CNBD1: variants seen among roughly 807,000 people sequenced by gnomAD.
CNBD1 encodes cyclic nucleotide-binding domain-containing protein 1.
In CNBD1, 71 loss-of-function variants were observed where a neutral mutation model predicts 54.4. That is an observed-to-expected ratio of 1.30 (90% CI 1.08 to 1.59). The LOEUF (loss-of-function observed/expected upper bound fraction) is 1.59. Ranked by LOEUF, CNBD1 falls within the 40% of genes most tolerant of loss-of-function variation. CNBD1 has a pLI of 0.00. For missense variants in CNBD1, 659 were observed against 518.0 expected, an observed-to-expected ratio of 1.27 and a Z score of -2.64; for synonymous variants, 182 against 170.7, an observed-to-expected ratio of 1.07 and a Z score of -0.51.
chr8:87,368,733 T>C (rs568642252), intron 10 of CNBD1, among the ~76,000 whole-genome samples: 1 of 152,040 alleles, frequency 6.6e-6, no homozygotes, highest in Non-Finnish European at 1.5e-5. Context: ...TGGTATTTTG[T>C]AGGCATCAAG....
intron 4 of CNBD1, among the ~76,000 whole-genome samples, chr8:86,997,534 A>G (rs1808900996): frequency 6.6e-6 from 1 of 152,206 alleles, no homozygotes. Flanking sequence ...TCTGAGAAAT[A>G]GTGTTCAGAG....
At chr8:87,216,070 AT>A (rs763929205) in intron 5 of CNBD1, among the ~76,000 whole-genome samples, 3 of 152,154 alleles carry the variant, frequency 2.0e-5, no homozygotes, top group Non-Finnish European at 4.4e-5. Context: ...ATTGTACCTC[AT>A]GAGCTGTTAA....
intron 5 of CNBD1, among the ~76,000 whole-genome samples, chr8:87,221,515 A>G (rs1814338992): frequency 6.6e-6 from 1 of 152,100 alleles, no homozygotes; most frequent in South Asian, 2.1e-4. Flanking sequence ...TCAAAATTGT[A>G]TCTACATTTC....
intron 2 of CNBD1, among the ~76,000 whole-genome samples, chr8:87,392,691 G>A (rs1458474503): frequency 6.6e-6 from 1 of 151,940 alleles, no homozygotes; most frequent in Non-Finnish European, 1.5e-5. Context: ...AATCATATGT[G>A]TTTCTTTTGG....
intron 9 of CNBD1, among the ~76,000 whole-genome samples, chr8:87,352,200 G>C (rs574995405): frequency 1.3e-5 from 2 of 152,106 alleles, no homozygotes; most frequent in African/African-American, 4.8e-5. Context: ...GAATCCTAGG[G>C]CTGGGCACAG....
intron 5 of CNBD1, among the ~76,000 whole-genome samples, chr8:87,226,665 G>A (rs1444249305): frequency 6.6e-6 from 1 of 151,880 alleles, no homozygotes. Flanking sequence ...TTCCAACTAT[G>A]TGGTCAATTT....
intron 8 of CNBD1, among the ~76,000 whole-genome samples, chr8:87,314,478 AG>A: frequency 6.6e-6 from 1 of 152,078 alleles, no homozygotes; most frequent in East Asian, 1.9e-4. Flanking sequence ...GATATGATAA[AG>A]TGATCTAAAA....
chr8:87,405,410 GCTC>G (rs1217050107), intron 2 of CNBD1, among the ~76,000 whole-genome samples: 1 of 151,986 alleles, frequency 6.6e-6, no homozygotes, highest in Non-Finnish European at 1.5e-5. Context: ...AGGAAATAAT[GCTC>G]CTTAGAGAAT....
chr8:86,946,200 GAAT>G (rs1248905620), intron 4 of CNBD1, among the ~76,000 whole-genome samples: 3 of 152,044 alleles, frequency 2.0e-5, no homozygotes, highest in Non-Finnish European at 2.9e-5. Context: ...TTGTGTCTCT[GAAT>G]AATAATGTGT....
At chr8:87,410,445 A>G (rs972264022) in intron 2 of CNBD1, among the ~76,000 whole-genome samples, 9 of 152,166 alleles carry the variant, frequency 5.9e-5, no homozygotes, top group African/African-American at 1.9e-4. Flanking sequence ...GTCAACATTA[A>G]CAGGAGTAAC....
intron 4 of CNBD1, among the ~76,000 whole-genome samples, chr8:87,181,426 C>A (rs1297056788): frequency 6.6e-6 from 1 of 152,158 alleles, no homozygotes; most frequent in South Asian, 2.1e-4. Flanking sequence ...TATGGCCCTG[C>A]AAATTATCTG....
intron 4 of CNBD1, among the ~76,000 whole-genome samples, chr8:86,940,453 T>G (rs1243588039): frequency 1.3e-5 from 2 of 152,090 alleles, no homozygotes; most frequent in East Asian, 1.9e-4. Context: ...GGTGTGAGCT[T>G]CCGCACCCGG....
intron 4 of CNBD1, among the ~76,000 whole-genome samples, chr8:87,178,752 C>T (rs1002564923): frequency 1.3e-5 from 2 of 152,168 alleles, no homozygotes; most frequent in Admixed American, 6.5e-5. Context: ...GTAATATTCC[C>T]TTGATGCTAC....
chr8:87,204,032 G>A (rs1298639388), intron 4 of CNBD1, among the ~76,000 whole-genome samples: 1 of 152,156 alleles, frequency 6.6e-6, no homozygotes, highest in Non-Finnish European at 1.5e-5. Flanking sequence ...GGGAGGTTTT[G>A]TCTTATCTTT....
At chr8:87,413,778 T>A (rs1202997552) in intron 2 of CNBD1, among the ~76,000 whole-genome samples, 1 of 150,920 alleles carries the variant, frequency 6.6e-6, no homozygotes, top group African/African-American at 2.4e-5. Context: ...AAAATGCTCA[T>A]CATCACTGGC....
At chr8:86,907,897 A>G (rs1046292056) in intron 3 of CNBD1, among the ~76,000 whole-genome samples, 1 of 152,234 alleles carries the variant, frequency 6.6e-6, no homozygotes, top group African/African-American at 2.4e-5. Context: ...GTTAGCAGAC[A>G]TGAAATACCT....
intron 3 of CNBD1, among the ~76,000 whole-genome samples, chr8:86,933,698 T>C (rs972641804): frequency 6.6e-5 from 10 of 152,118 alleles, no homozygotes; most frequent in African/African-American, 2.2e-4. Context: ...TTTAAAAACC[T>C]GGGTGGGTAC....
At chr8:86,960,902 A>C (rs531985756) in intron 4 of CNBD1, among the ~76,000 whole-genome samples, 1 of 152,182 alleles carries the variant, frequency 6.6e-6, no homozygotes, top group African/African-American at 2.4e-5. Flanking sequence ...GCAAACTCCA[A>C]CAGACCTGCA....
intron 1 of CNBD1, among the ~76,000 whole-genome samples, chr8:86,876,359 T>C (rs555759798): frequency 8.8e-4 from 134 of 152,164 alleles, no homozygotes; most frequent in Non-Finnish European, 1.6e-3. Context: ...TCAGTTTTTT[T>C]GACCTTACAT....
Sources: allele counts gnomAD v4.1 joint callset (sites outside exome capture counted in the v4.1 genomes callset), GRCh38; gene constraint gnomAD v4.1.1; transcripts MANE v1.5; gene names NCBI Gene and HGNC (gene_info 2026-07-23, HGNC 2026-07-21).